The following NDRG4 variants were observed in gnomAD, a reference collection of about 807,000 sequenced individuals.
NDRG4 encodes NDRG family member 4.
A neutral mutation model predicts 55.8 loss-of-function variants in NDRG4; 38 were observed. The observed-to-expected ratio is 0.68, with a 90% CI of 0.53 to 0.89. NDRG4 has a LOEUF of 0.89. Ranked by LOEUF, NDRG4 falls within the 40% of genes least tolerant of loss-of-function variation. The pLI is 0.00. For missense variants in NDRG4, 455 were observed against 468.6 expected (o/e 0.97, Z 0.27); for synonymous variants, 190 against 182.7 (o/e 1.04, Z -0.32).
intron 1 of NDRG4, among the ~76,000 whole-genome samples, chr16:58,466,421 A>G (rs1335736876): frequency 6.6e-6 from 1 of 152,192 alleles, no homozygotes; most frequent in South Asian, 2.1e-4. Flanking sequence ...TGCTCACAGG[A>G]GACATGTGTG....
Position 58,506,390 on chromosome 16 carries a change from A to T in NDRG4, c.376A>T (p.Ile126Phe). 4 of 1,613,678 alleles carry T rather than the reference A, an allele frequency of 2.5e-6. No individual in the cohort carries two copies. The highest frequency in any genetic ancestry group is 3.4e-6 in the Non-Finnish European group (4 of 1,179,950). The part of the protein sequence containing the change: ...GAYVLAKFAL[I>F]FPDLVEGLVL... ...CCTGTTTCCCCTCTTACTGCAGCTC[A>T]TCTTCCCCGACCTGGTGGAGGGGCT... The change falls in exon 6 of 15, where the codon ATC becomes TTC. Residue 126 changes from isoleucine (I) to phenylalanine (F), a missense_variant. Physicochemically the swap from Ile to Phe is conservative, Grantham distance 21. Transcript: ENST00000570248.
At chr16:58,507,053 C>T in intron 8 of NDRG4, 38 bp downstream of exon 8, 3 of 1,527,568 alleles carry the variant, frequency 2.0e-6, no homozygotes, top group Non-Finnish European at 2.7e-6. Flanking sequence ...CCCAGCACAC[C>T]CCAGTGGGGG....
chr16:58,501,168 C>T, intron 1 of NDRG4: 1 of 860,784 alleles, frequency 1.2e-6, no homozygotes, highest in Non-Finnish European at 1.5e-6. Context: ...GCCGGTTCCG[C>T]AGACGATAGG....
chr16:58,515,381 T>G, downstream of NDRG4: 1 of 771,194 alleles, frequency 1.3e-6, no homozygotes, highest in Non-Finnish European at 2.0e-6. Context: ...ACTCAAGATG[T>G]TTTCATGAGG....
At chr16:58,475,286 C>A (rs1228104010) in intron 1 of NDRG4, among the ~76,000 whole-genome samples, 2 of 152,186 alleles carry the variant, frequency 1.3e-5, no homozygotes, top group African/African-American at 4.8e-5. Context: ...TAATGTAGGT[C>A]ATGGTTACCC....
intron 1 of NDRG4, among the ~76,000 whole-genome samples, chr16:58,486,929 C>T (rs2035162059): frequency 1.3e-5 from 2 of 152,032 alleles, no homozygotes; most frequent in South Asian, 4.2e-4. Flanking sequence ...TGCCACACCA[C>T]CAGGGCCTCT....
At chr16:58,497,695 A>G (rs936725439), upstream of NDRG4, among the ~76,000 whole-genome samples, 11 of 152,188 alleles carry the variant, frequency 7.2e-5, no homozygotes, top group Non-Finnish European at 1.5e-4. Flanking sequence ...GAGTGGCACC[A>G]GGGTTTGGCT....
At chr16:58,503,738 C>A in intron 1 of NDRG4, 60 bp from the exon 2 acceptor site, 1 of 1,607,596 alleles carries the variant, frequency 6.2e-7, no homozygotes, top group Non-Finnish European at 8.5e-7. Context: ...TCACCTCATT[C>A]CCCAGAGGAG....
chr16:58,504,724 G>C, intron 5 of NDRG4, 75 bp downstream of exon 5: 2 of 1,536,514 alleles, frequency 1.3e-6, no homozygotes, highest in Non-Finnish European at 1.8e-6. Context: ...GGACTGGGGG[G>C]AACCCTTCAG....
intron 1 of NDRG4, among the ~76,000 whole-genome samples, chr16:58,474,085 G>A (rs1330628830): frequency 7.7e-6 from 1 of 129,602 alleles, no homozygotes; most frequent in Non-Finnish European, 1.5e-5. Context: ...TACCCAGGCT[G>A]GAGTCCAGTG....
chr16:58,490,715 G>A (rs567282413), intron 2 of NDRG4, among the ~76,000 whole-genome samples: 4 of 152,258 alleles, frequency 2.6e-5, no homozygotes, highest in South Asian at 2.1e-4. Context: ...GTTGGCTCAC[G>A]CCTGTAATCC....
Position 58,505,708 on chromosome 16 carries a change from A to ATTTT in NDRG4, c.373-678_373-675dup, listed in dbSNP as rs869263659. On this transcript the variant is annotated intron_variant, in intron 5 of 14. Coordinates refer to ENST00000570248, the MANE Select transcript of NDRG4 (RefSeq NM_001242835.2). ...TCTTAATTTATATCATGAGGGCTTC[A>ATTTT]TTTTCTTTTTTTTTTTTTTTTTTTT... Among the ~76,000 whole-genome samples the ATTTT allele has an allele frequency of 8.2e-4, 58 of 70,602 alleles. 6 individuals carry two copies. Among genetic ancestry groups the ATTTT allele is most frequent in the East Asian group, 8.5e-4 (2 of 2,342 alleles). 46.3% of individuals were successfully genotyped at this position (70,602 alleles called of 152,430 possible).
chr16:58,490,960 G>T (rs2035712103), intron 2 of NDRG4, among the ~76,000 whole-genome samples: 1 of 151,396 alleles, frequency 6.6e-6, no homozygotes, highest in Non-Finnish European at 1.5e-5. Flanking sequence ...CTGGGCGACA[G>T]AGCGAGGCTC....
At chr16:58,489,619 C>T (rs1282208700) in intron 2 of NDRG4, among the ~76,000 whole-genome samples, 1 of 151,980 alleles carries the variant, frequency 6.6e-6, no homozygotes, top group Non-Finnish European at 1.5e-5. Flanking sequence ...GTGTCTGCCC[C>T]GCCCCGCAGG....
At position 58,512,242 on chromosome 16, in the gene NDRG4, C is replaced by A; in HGVS notation, c.*666C>A. ...CCCACAGACTGTCCCTTCCAGCCCA[C>A]ACTCTGCCACCTCCTGGCCCTGTCC... On this transcript the variant is annotated 3_prime_UTR_variant, in exon 15 of 15. Transcript: ENST00000570248. 1 of 385,410 alleles carries A rather than the reference C, an allele frequency of 2.6e-6. No individual in the cohort carries two copies. The highest frequency in any genetic ancestry group is 1.9e-5 in the South Asian group (1 of 51,904). 23.9% of individuals were successfully genotyped at this position (385,410 alleles called of 1,614,324 possible).
chr16:58,512,347 G>A lies in NDRG4; in HGVS notation c.*771G>A. The A allele has an allele frequency of 6.1e-6, 2 of 327,060 alleles. No homozygotes were observed. Among genetic ancestry groups the A allele is most frequent in the South Asian group, 4.4e-5 (2 of 44,950 alleles). The allele number at this position is 327,060 out of a possible 1,614,324, so 20.3% of individuals were successfully genotyped here. A position where few individuals can be genotyped will look rare whatever the true frequency, so the allele number is the denominator to read the frequency against. ...CAGTGACCTGACTGGGGGTGAGGGA[G>A]AAGGAGGAGAGAGCCCATGTGTGGT... On this transcript the variant is annotated 3_prime_UTR_variant, in exon 15 of 15. Transcript: ENST00000570248.
chr16:58,513,074 T>C lies in NDRG4; in HGVS notation c.*1498T>C, dbSNP rs1055970659. ...CTGAATGTGACTGTTTGAAAGCTGG[T>C]AGAATTCATCCCTCTTACTGTAGAT... On this transcript the variant is annotated 3_prime_UTR_variant, in exon 15 of 15. Coordinates refer to ENST00000570248, the MANE Select transcript of NDRG4 (RefSeq NM_001242835.2). 6.6e-6 allele frequency: 1 copy of C among 152,670 alleles called. No individual in the cohort carries two copies. The highest frequency in any genetic ancestry group is 1.5e-5 in the Non-Finnish European group (1 of 68,058). The allele number at this position is 152,670 out of a possible 1,614,324, so 9.5% of individuals were successfully genotyped here. A position where few individuals can be genotyped will look rare whatever the true frequency, so the allele number is the denominator to read the frequency against.
chr16:58,470,696 C>T (rs2032600440), intron 1 of NDRG4, among the ~76,000 whole-genome samples: 1 of 151,922 alleles, frequency 6.6e-6, no homozygotes, highest in African/African-American at 2.4e-5. Context: ...CACCTGAGGT[C>T]AGGAGTTCAA....
chr16:58,500,601 A>G, intron 1 of NDRG4: 5 of 527,486 alleles, frequency 9.5e-6, no homozygotes, highest in Non-Finnish European at 1.3e-5. Flanking sequence ...CCCGGGCGCT[A>G]GTGCCTGCAT....
Sources: allele counts gnomAD v4.1 joint callset (sites outside exome capture counted in the v4.1 genomes callset), GRCh38; gene constraint gnomAD v4.1.1; transcripts MANE v1.5; gene names NCBI Gene and HGNC (gene_info 2026-07-23, HGNC 2026-07-21).